The following PCM1 variants were observed in gnomAD, a reference collection of about 807,000 sequenced individuals.
The protein encoded by PCM1 is pericentriolar material 1 protein.
A neutral mutation model predicts 241.9 loss-of-function variants in PCM1; 157 were observed. That is an observed-to-expected ratio of 0.65 (90% CI 0.57 to 0.74). The LOEUF (loss-of-function observed/expected upper bound fraction) is 0.74, where lower values mean the gene tolerates loss of function less well. Among genes scored for constraint, PCM1 ranks in the 30% least tolerant of loss-of-function variants. The pLI, the probability that PCM1 is intolerant of heterozygous loss-of-function variation, is 0.00. For missense variants in PCM1, 3,478 were observed against 2,360.1 expected (o/e 1.47, Z -9.81); for synonymous variants, 1,085 against 784.9 (o/e 1.38, Z -6.39).
rs140846217 is a variant in PCM1, at chr8:18,009,621, G to A, written c.5037G>A (p.Val1679=). The A allele has an allele frequency of 1.3e-4, 207 of 1,596,652 alleles. 1 individual carries two copies. In the African/African-American group the frequency reaches 2.2e-3, roughly 17 times the overall value. The change falls in exon 31 of 39, where the codon GTG becomes GTA. Residue 1679 remains valine (V), a synonymous_variant. Transcript: ENST00000325083. ...GEDLLVEISE[V]LFNELAFFKL... Reference sequence around the variant, plus strand: ...ATCTTCTTGTAGAGATATCTGAAGTGTTGTTCAATGAATTGGCTTTCTTTA... The same window carrying A: ...ATCTTCTTGTAGAGATATCTGAAGTATTGTTCAATGAATTGGCTTTCTTTA...
At chr8:17,992,558 T>G (rs2085061813) in intron 28 of PCM1, among the ~76,000 whole-genome samples, 1 of 152,034 alleles carries the variant, frequency 6.6e-6, no homozygotes, top group African/African-American at 2.4e-5. Flanking sequence ...TTTGGCCATT[T>G]GTGTGTCTTC....
At chr8:17,947,399 A>C in intron 7 of PCM1, 36 bp downstream of exon 7, 1 of 1,418,582 alleles carries the variant, frequency 7.0e-7, no homozygotes, top group Middle Eastern at 1.8e-4. Context: ...TTTTGTAAGG[A>C]AGACTCATAC....
rs1052710559 is a variant in PCM1, at chr8:18,027,666, G to C, written c.*4G>C. ...GGTGGGAGCCCAGAGTATATGAGAT[G>C]TCTTCAGAGGCTCATCTAACTCTGT... is the stretch of plus-strand genomic sequence containing the variant. On this transcript the variant is annotated 3_prime_UTR_variant, in exon 39 of 39. Transcript: ENST00000325083. 6 of 1,584,036 alleles carry C rather than the reference G, an allele frequency of 3.8e-6. No individual in the cohort carries two copies. Among genetic ancestry groups the C allele is most frequent in the Non-Finnish European group, 5.2e-6 (6 of 1,158,312 alleles).
chr8:17,957,125 C>T (rs1425340621), intron 11 of PCM1, 139 bp from the exon 12 acceptor site: 42 of 639,160 alleles, frequency 6.6e-5, no homozygotes, highest in Non-Finnish European at 8.9e-5. Context: ...AAGCAGGAGT[C>T]GATTATTCAA....
rs765348858 is a variant in PCM1, at chr8:17,938,799, T to A, written c.402T>A (p.Leu134=). Residue 134 remains leucine, a synonymous_variant, in exon 5 of 39, where the codon CTT becomes CTA. Transcript: ENST00000325083. ...RATAANNKRQ[L]SENRKPFNFL... ...CAGCTGCTAACAACAAACGTCAGCT[T>A]AGTGAAAACCGAAAGCCCTTCAACT... 6.2e-7 allele frequency: 1 copy of A among 1,612,826 alleles called. No individual in the cohort carries two copies.
At chr8:18,002,064 C>CT (rs1208413264) in intron 29 of PCM1, among the ~76,000 whole-genome samples, 202 of 10,120 alleles carry the variant, frequency 0.02, 52 homozygotes, top group Non-Finnish European at 0.023. Flanking sequence ...TTTTTTTTTT[C>CT]TTTTTTTTTT....
intron 6 of PCM1, among the ~76,000 whole-genome samples, chr8:17,944,916 G>T (rs1225165235): frequency 2.0e-5 from 3 of 152,106 alleles, no homozygotes; most frequent in Non-Finnish European, 4.4e-5. Flanking sequence ...TTATGATTAG[G>T]TTATCACAGT....
At chr8:17,944,851 A>T (rs1326814538) in intron 6 of PCM1, among the ~76,000 whole-genome samples, 1 of 152,160 alleles carries the variant, frequency 6.6e-6, no homozygotes, top group African/African-American at 2.4e-5. Flanking sequence ...TTGAGAATTC[A>T]TTTTTAGATT....
At chr8:17,953,244 A>G (rs1331950512) in intron 9 of PCM1, 58 bp downstream of exon 9, 1 of 801,620 alleles carries the variant, frequency 1.2e-6, no homozygotes, top group Non-Finnish European at 1.9e-6. Flanking sequence ...ATATACTGTC[A>G]CATAATAAAT....
chr8:17,959,282 A>G (rs1256889398), intron 13 of PCM1, among the ~76,000 whole-genome samples: 1 of 151,402 alleles, frequency 6.6e-6, no homozygotes. Context: ...GTAATTAAGA[A>G]ACACAAATAT....
At chr8:17,928,655 G>A (rs566773) in intron 2 of PCM1, among the ~76,000 whole-genome samples, 7,948 of 132,552 alleles carry the variant, frequency 0.06, 355 homozygotes, top group Admixed American at 0.11. Flanking sequence ...AAAGTGAGGC[G>A]GAGTTTCTCT....
chr8:17,961,304 C>CTTTGTTTT (rs2071837393), intron 15 of PCM1, among the ~76,000 whole-genome samples: 1 of 79,140 alleles, frequency 1.3e-5, no homozygotes, highest in African/African-American at 5.3e-5. Context: ...TATTGGCTAG[C>CTTTGTTTT]TTTTTTTTTT....
rs2093215169 is a variant in PCM1, at chr8:18,016,458, G to GAGA, written c.5841+1621_5841+1623dup. On this transcript the variant is annotated intron_variant, in intron 36 of 38. Transcript: ENST00000325083. ...GAAGAGAAGAGTTAAAGTTACAGTG[G>GAGA]AGAAGTTTTAATCTAGATAAAATTG... Among the ~76,000 whole-genome samples, 6 of 142,004 alleles carry GAGA rather than the reference G, an allele frequency of 4.2e-5. 1 individual carries two copies. The South Asian group carries it at 1.3e-3, about 31-fold the overall frequency. The allele number at this position is 142,004 out of a possible 152,430, so 93.2% of individuals were successfully genotyped here.
chr8:17,981,828 T>G (rs537650270), intron 24 of PCM1, among the ~76,000 whole-genome samples: 23 of 152,220 alleles, frequency 1.5e-4, no homozygotes, highest in Non-Finnish European at 1.6e-4. Flanking sequence ...GGTACAACTT[T>G]CCTGGAAAGC....
At chr8:17,953,236 A>T in intron 9 of PCM1, 50 bp downstream of exon 9, 1 of 832,846 alleles carries the variant, frequency 1.2e-6, no homozygotes, top group Non-Finnish European at 1.8e-6. Flanking sequence ...ACAAGTATAT[A>T]TACTGTCACA....
intron 30 of PCM1, 43 bp from the exon 31 acceptor site, chr8:18,009,504 A>C (rs1564354688): frequency 8.2e-7 from 1 of 1,218,268 alleles, no homozygotes; most frequent in Non-Finnish European, 1.2e-6. Context: ...TTTATAATTG[A>C]AGTTTACTGT....
At chr8:17,979,676 TAAGATGGAA>T (rs1365907839) in intron 23 of PCM1, among the ~76,000 whole-genome samples, 1 of 152,174 alleles carries the variant, frequency 6.6e-6, no homozygotes, top group Admixed American at 6.5e-5. Flanking sequence ...ACCATGTTCT[TAAGATGGAA>T]AAGATGGAAA....
intron 26 of PCM1, 98 bp from the exon 27 acceptor site, chr8:17,989,761 T>G (rs2083871624): frequency 2.4e-6 from 2 of 825,838 alleles, no homozygotes; most frequent in East Asian, 5.5e-5. Flanking sequence ...ATCTTTTAAG[T>G]GTACAATTTT....
At chr8:18,012,217 C>G (rs1444414227) in intron 34 of PCM1, among the ~76,000 whole-genome samples, 2 of 152,176 alleles carry the variant, frequency 1.3e-5, no homozygotes, top group Non-Finnish European at 2.9e-5. Context: ...AAATTTCACA[C>G]CGGCCCTCTC....
Sources: gnomAD v4.1 joint callset for allele counts (sites outside exome capture counted in the v4.1 genomes callset) on GRCh38, gnomAD v4.1.1 for gene constraint, MANE v1.5 for transcripts, NCBI Gene and HGNC (gene_info 2026-07-23, HGNC 2026-07-21) for gene names.